The following MACROD2 variants were observed in gnomAD, a reference collection of about 807,000 sequenced individuals.
MACROD2 encodes the protein mono-ADP ribosylhydrolase 2.
Under a neutral mutation model 70.4 loss-of-function variants are expected in MACROD2, and 36 were observed. That is an observed-to-expected ratio of 0.51 (90% CI 0.39 to 0.68). The LOEUF (loss-of-function observed/expected upper bound fraction) is 0.68. Ranked by LOEUF, MACROD2 falls within the 30% of genes least tolerant of loss-of-function variation. The pLI is 0.00. For synonymous variants in MACROD2, 172 were observed against 178.8 expected (o/e 0.96, Z 0.30); for missense variants, 496 against 538.4 (o/e 0.92, Z 0.78).
chr20:15,900,940 C>T (rs143162632), intron 10 of MACROD2, among the ~76,000 whole-genome samples: 93 of 152,172 alleles, frequency 6.1e-4, no homozygotes, highest in African/African-American at 2.1e-3. Context: ...TGGAAAACAC[C>T]GGGCACATTG....
intron 5 of MACROD2, among the ~76,000 whole-genome samples, chr20:15,073,109 T>C (rs2123111500): frequency 6.6e-6 from 1 of 152,226 alleles, no homozygotes; most frequent in East Asian, 1.9e-4. Context: ...TCTAGAACTG[T>C]GAGAAATGAA....
At chr20:14,161,451 G>A (rs1601295928) in intron 3 of MACROD2, among the ~76,000 whole-genome samples, 1 of 151,802 alleles carries the variant, frequency 6.6e-6, no homozygotes, top group Non-Finnish European at 1.5e-5. Context: ...GTCCCAAAGT[G>A]CTGGGATTAC....
At chr20:15,411,477 G>C (rs1044646783) in intron 6 of MACROD2, among the ~76,000 whole-genome samples, 1 of 152,078 alleles carries the variant, frequency 6.6e-6, no homozygotes. Context: ...TTGAAAGGTT[G>C]CATCCTGCCA....
intron 8 of MACROD2, among the ~76,000 whole-genome samples, chr20:15,750,397 G>A (rs1287038754): frequency 6.6e-6 from 1 of 151,898 alleles, no homozygotes; most frequent in African/African-American, 2.4e-5. Flanking sequence ...CTTACACACT[G>A]TTGGTGGGCT....
chr20:15,503,552 G>A (rs181808175), intron 8 of MACROD2, among the ~76,000 whole-genome samples: 41 of 152,256 alleles, frequency 2.7e-4, no homozygotes, highest in Admixed American at 2.4e-3. Context: ...TCCAAGGGCC[G>A]GAACTAGAGA....
intron 4 of MACROD2, among the ~76,000 whole-genome samples, chr20:14,615,122 G>T (rs921194940): frequency 2.6e-5 from 4 of 152,088 alleles, no homozygotes; most frequent in Non-Finnish European, 5.9e-5. Flanking sequence ...TGGGGCTGGG[G>T]TGACTCTTCA....
chr20:14,887,257 AC>A (rs769399214), intron 5 of MACROD2, among the ~76,000 whole-genome samples: 5 of 152,148 alleles, frequency 3.3e-5, no homozygotes, highest in Non-Finnish European at 5.9e-5. Context: ...AATGGACTCA[AC>A]AGGGGCTACA....
At chr20:14,227,331 C>T (rs1313265677) in intron 3 of MACROD2, among the ~76,000 whole-genome samples, 2 of 152,140 alleles carry the variant, frequency 1.3e-5, no homozygotes, top group Admixed American at 1.3e-4. Context: ...AAGCTTTGTT[C>T]TTTTGCTCTT....
At chr20:14,530,607 G>A (rs2085291191) in intron 4 of MACROD2, among the ~76,000 whole-genome samples, 1 of 152,130 alleles carries the variant, frequency 6.6e-6, no homozygotes, top group Non-Finnish European at 1.5e-5. Context: ...GGCTTACTGA[G>A]AGCAGCTTAA....
intron 7 of MACROD2, among the ~76,000 whole-genome samples, chr20:15,449,242 A>C (rs1179827622): frequency 6.6e-6 from 1 of 152,114 alleles, no homozygotes; most frequent in Non-Finnish European, 1.5e-5. Flanking sequence ...TTGGCTAATA[A>C]TTGATCAGAG....
At chr20:14,247,638 G>T (rs977733095) in intron 3 of MACROD2, among the ~76,000 whole-genome samples, 14 of 152,202 alleles carry the variant, frequency 9.2e-5, no homozygotes. Context: ...TGCCACAAGT[G>T]GGTAGTGAAG....
intron 2 of MACROD2, among the ~76,000 whole-genome samples, chr20:14,048,162 AAAG>A (rs2053505980): frequency 6.6e-6 from 1 of 152,204 alleles, no homozygotes; most frequent in Admixed American, 6.5e-5. Context: ...GATTATTGCC[AAAG>A]AAGAAGGCTT....
intron 10 of MACROD2, among the ~76,000 whole-genome samples, chr20:15,906,184 AC>A (rs1237832499): frequency 6.6e-6 from 1 of 152,174 alleles, no homozygotes; most frequent in Non-Finnish European, 1.5e-5. Context: ...GCAAACTGCC[AC>A]CCTTGGGAGA....
chr20:15,638,220 G>A (rs1013164119), intron 8 of MACROD2, among the ~76,000 whole-genome samples: 4 of 152,152 alleles, frequency 2.6e-5, no homozygotes, highest in Non-Finnish European at 4.4e-5. Context: ...TGGCAACCTC[G>A]GGCTCTGTTC....
At chr20:14,322,526 A>G (rs2082673673) in intron 3 of MACROD2, among the ~76,000 whole-genome samples, 1 of 151,878 alleles carries the variant, frequency 6.6e-6, no homozygotes, top group African/African-American at 2.4e-5. Context: ...TTCTAGAAGC[A>G]AAGTCAAACT....
intron 3 of MACROD2, among the ~76,000 whole-genome samples, chr20:14,225,299 A>G (rs1216415278): frequency 2.0e-5 from 3 of 152,236 alleles, no homozygotes; most frequent in Non-Finnish European, 4.4e-5. Flanking sequence ...AATTTAAATC[A>G]GGATACTTTT....
intron 5 of MACROD2, among the ~76,000 whole-genome samples, chr20:14,972,117 C>T (rs535813873): frequency 6.6e-6 from 1 of 152,348 alleles, no homozygotes; most frequent in South Asian, 2.1e-4. Context: ...CTGGTTTTGC[C>T]TGCTGTAAAC....
At position 15,682,227 on chromosome 20, in the gene MACROD2, A is replaced by G. The variant is rs112590825; in HGVS notation, c.646-180518A>G. On this transcript the variant is annotated intron_variant, in intron 8 of 17. Transcript: ENST00000684519. ...TCTGAGGTACAATAAAGAGAAACGTAAAAGTAGGAACCCACATTTCAACCA... is the reference window on the plus strand; with the variant it reads ...TCTGAGGTACAATAAAGAGAAACGTGAAAGTAGGAACCCACATTTCAACCA... 2.9e-3 allele frequency among the ~76,000 whole-genome samples: 439 copies of G among 152,328 alleles called. 4 individuals are homozygous for G. Among genetic ancestry groups the G allele is most frequent in the African/African-American group, 9.7e-3 (404 of 41,572 alleles).
At chr20:14,753,620 C>G (rs1311498682) in intron 5 of MACROD2, among the ~76,000 whole-genome samples, 1 of 151,946 alleles carries the variant, frequency 6.6e-6, no homozygotes, top group Admixed American at 6.6e-5. Flanking sequence ...TAAAAAAAGT[C>G]ATACGGAGAA....
Sources: allele counts gnomAD v4.1 joint callset (sites outside exome capture counted in the v4.1 genomes callset), GRCh38; gene constraint gnomAD v4.1.1; transcripts MANE v1.5; gene names NCBI Gene and HGNC (gene_info 2026-07-23, HGNC 2026-07-21).